Variants in BAZ1B observed in about 807,000 individuals in gnomAD.
BAZ1B encodes the protein tyrosine-protein kinase BAZ1B.
BAZ1B carries 22 observed loss-of-function variants against 153.8 expected under a neutral mutation model. The ratio of observed to expected loss-of-function variants is 0.14; its 90% CI spans 0.10 to 0.20. The LOEUF (loss-of-function observed/expected upper bound fraction) is 0.20, where lower values mean the gene tolerates loss of function less well. Ranked by LOEUF, BAZ1B falls within the 10% of genes least tolerant of loss-of-function variation. The pLI is 1.00. For synonymous variants in BAZ1B, 676 were observed against 633.4 expected (o/e 1.07, Z -1.01); for missense variants, 1,325 against 1,799.3 (o/e 0.74, Z 4.77).
intron 9 of BAZ1B, among the ~76,000 whole-genome samples, chr7:73,467,355 A>G (rs1554571329): frequency 6.6e-6 from 1 of 151,676 alleles, no homozygotes; most frequent in East Asian, 2.0e-4. Flanking sequence ...AGTCTTTTCA[A>G]TTGGGTAATT....
intron 8 of BAZ1B, 87 bp downstream of exon 8, chr7:73,470,258 G>GAAT: frequency 7.5e-7 from 1 of 1,336,552 alleles, no homozygotes; most frequent in Non-Finnish European, 1.0e-6. Context: ...AGAGAAGCTT[G>GAAT]TCTATTCTTG....
At position 73,521,971 on chromosome 7, in the gene BAZ1B, C is replaced by CGGCCCCGCGGCGCAGCACTA. The variant is rs1179064202; in HGVS notation, c.-58_-39dup. 5.3e-4 allele frequency: 715 copies of CGGCCCCGCGGCGCAGCACTA among 1,354,494 alleles called. 14 individuals carry two copies. Among genetic ancestry groups the CGGCCCCGCGGCGCAGCACTA allele is most frequent in the Non-Finnish European group, 9.7e-5 (102 of 1,046,624 alleles). 83.9% of individuals were successfully genotyped at this position (1,354,494 alleles called of 1,614,324 possible). A position where few individuals can be genotyped will look rare whatever the true frequency, so the allele number is the denominator to read the frequency against. On this transcript the variant is annotated 5_prime_UTR_variant, in exon 1 of 20. Coordinates refer to ENST00000339594, the MANE Select transcript of BAZ1B (RefSeq NM_032408.4). ...GGTGGGGACTGGCGGCTGCTGGGGC[C>CGGCCCCGCGGCGCAGCACTA]GGCCCCGCGGCGCAGCACTAGGCCC...
At chr7:73,501,078 G>C (rs1486460304) in intron 3 of BAZ1B, among the ~76,000 whole-genome samples, 1 of 152,116 alleles carries the variant, frequency 6.6e-6, no homozygotes, top group African/African-American at 2.4e-5. Flanking sequence ...CCAACATGGA[G>C]AAGCCCCGTC....
intron 8 of BAZ1B, 138 bp from the exon 9 acceptor site, chr7:73,469,788 T>TAGACAGATAAAA: frequency 1.0e-6 from 1 of 968,842 alleles, no homozygotes; most frequent in Non-Finnish European, 1.5e-6. Context: ...TTCAGAACTC[T>TAGACAGATAAAA]AGACAGATAA....
intron 13 of BAZ1B, among the ~76,000 whole-genome samples, chr7:73,451,815 T>C (rs1349056695): frequency 6.6e-6 from 1 of 152,206 alleles, no homozygotes; most frequent in Non-Finnish European, 1.5e-5. Flanking sequence ...CTTGCTGTCT[T>C]CTCCCCTGAT....
chr7:73,482,403 C>A (rs1490986184), intron 6 of BAZ1B, among the ~76,000 whole-genome samples: 1 of 152,176 alleles, frequency 6.6e-6, no homozygotes, highest in Non-Finnish European at 1.5e-5. Context: ...AAGTTAACAA[C>A]CTTCTTCAGT....
intron 6 of BAZ1B, among the ~76,000 whole-genome samples, chr7:73,480,217 G>A (rs144110846): frequency 2.0e-5 from 3 of 150,564 alleles, no homozygotes; most frequent in East Asian, 2.0e-4. Flanking sequence ...CACCTCAAAC[G>A]GGTCCTCCAT....
At chr7:73,485,077 T>TA (rs1465575203) in intron 6 of BAZ1B, among the ~76,000 whole-genome samples, 15 of 152,166 alleles carry the variant, frequency 9.9e-5, no homozygotes, top group Admixed American at 9.8e-4. Context: ...GTACTGTAGT[T>TA]ACGTTGGAAA....
intron 3 of BAZ1B, among the ~76,000 whole-genome samples, chr7:73,501,578 T>C (rs1554577166): frequency 1.3e-5 from 2 of 152,102 alleles, no homozygotes; most frequent in African/African-American, 4.8e-5. Context: ...TACCCTACAA[T>C]GCACAGGACA....
intron 15 of BAZ1B, among the ~76,000 whole-genome samples, chr7:73,448,481 G>T (rs1554567207): frequency 6.6e-6 from 1 of 152,216 alleles, no homozygotes; most frequent in South Asian, 2.1e-4. Flanking sequence ...TACTCTCAGG[G>T]CATTCATAAT....
intron 8 of BAZ1B, among the ~76,000 whole-genome samples, chr7:73,470,086 A>G (rs1256560320): frequency 1.3e-5 from 2 of 152,192 alleles, no homozygotes; most frequent in Non-Finnish European, 2.9e-5. Context: ...ATTTTTAAAG[A>G]CTTGGATTAC....
rs183907063 is a variant in BAZ1B, at chr7:73,468,602, C to A, written c.2866+915G>T. ...TCAGAAAACTATTCAGTGTGTGTTT[C>A]TTTTACAAACTGAACACATATACCC... is the stretch of plus-strand genomic sequence containing the variant. On this transcript the variant is annotated intron_variant, in intron 9 of 19. Transcript: ENST00000339594. 1.5e-4 allele frequency among the ~76,000 whole-genome samples: 23 copies of A among 152,110 alleles called. No individual in the cohort carries two copies. In the East Asian group the frequency reaches 4.4e-3, roughly 29 times the overall value.
At chr7:73,459,464 G>C in intron 13 of BAZ1B, 72 bp downstream of exon 13, 2 of 1,495,700 alleles carry the variant, frequency 1.3e-6, no homozygotes, top group Non-Finnish European at 1.8e-6. Context: ...AAAATGCATA[G>C]GGTTAGATTA....
rs1161358939 is a variant in BAZ1B at position 73,492,804 on chromosome 7, T to G, written c.689A>C (p.Asp230Ala). 1 of 1,603,016 alleles carries G rather than the reference T, an allele frequency of 6.2e-7. No individual in the cohort carries two copies. The highest frequency in any genetic ancestry group is 8.5e-7 in the Non-Finnish European group (1 of 1,176,546). ...AAAAGTAAAGTGTCAACTAACCTTA[T>G]CTTCATTTTGTAGTTTCACATCATA... ...HKYDVKLQNE[D>A]KIISNVPADS... The change falls in exon 5 of 20, where the codon GAT becomes GCT. Residue 230 changes from aspartate (D) to alanine (A), a missense_variant. Coordinates refer to ENST00000339594, the MANE Select transcript of BAZ1B (RefSeq NM_032408.4).
At chr7:73,442,136 T>TACCAAA in intron 19 of BAZ1B, 45 bp downstream of exon 19, 2 of 573,490 alleles carry the variant, frequency 3.5e-6, no homozygotes, top group Non-Finnish European at 6.5e-6. Flanking sequence ...CTCGCTCGCC[T>TACCAAA]CCCTCCCACC....
intron 1 of BAZ1B, among the ~76,000 whole-genome samples, chr7:73,518,431 T>A (rs1213261828): frequency 1.3e-5 from 2 of 149,542 alleles, no homozygotes; most frequent in African/African-American, 4.9e-5. Flanking sequence ...AATAAATAAA[T>A]AAATAAAAAT....
intron 1 of BAZ1B, among the ~76,000 whole-genome samples, chr7:73,512,675 C>G (rs1554578761): frequency 6.6e-6 from 1 of 152,174 alleles, no homozygotes; most frequent in African/African-American, 2.4e-5. Flanking sequence ...TACTTTTAAG[C>G]ACAGCAACAG....
At chr7:73,471,959 A>G (rs1397104206) in intron 7 of BAZ1B, among the ~76,000 whole-genome samples, 1 of 152,098 alleles carries the variant, frequency 6.6e-6, no homozygotes, top group African/African-American at 2.4e-5. Flanking sequence ...ACAAACATAA[A>G]CCAACTTAGG....
At chr7:73,483,992 G>A (rs2116360446) in intron 6 of BAZ1B, among the ~76,000 whole-genome samples, 1 of 152,316 alleles carries the variant, frequency 6.6e-6, no homozygotes, top group African/African-American at 2.4e-5. Flanking sequence ...ATCAGGCCGG[G>A]TGTGGTGGCT....
Sources: gnomAD v4.1 joint callset for allele counts (sites outside exome capture counted in the v4.1 genomes callset) on GRCh38, gnomAD v4.1.1 for gene constraint, MANE v1.5 for transcripts, NCBI Gene and HGNC (gene_info 2026-07-23, HGNC 2026-07-21) for gene names.